Variants in ITPR2 observed in about 807,000 individuals in gnomAD.
The protein encoded by ITPR2 is inositol 1,4,5-trisphosphate-gated calcium channel ITPR2.
In ITPR2, 207 loss-of-function variants were observed where a neutral mutation model predicts 317.1. That is an observed-to-expected ratio of 0.65 (90% confidence interval 0.58 to 0.73). The LOEUF (loss-of-function observed/expected upper bound fraction) is 0.73. ITPR2 is among the 30% of genes least tolerant of loss of function. The probability of loss-of-function intolerance (pLI) is 0.00; values close to 1 mark genes in which losing one functional copy is unlikely to be tolerated. For missense variants in ITPR2, 2,613 were observed against 3,284.0 expected (o/e 0.80, Z 4.99); for synonymous variants, 1,156 against 1,149.1 (o/e 1.01, Z -0.12).
intron 55 of ITPR2, among the ~76,000 whole-genome samples, chr12:26,341,340 CTT>C (rs1325995551): frequency 6.6e-6 from 1 of 152,212 alleles, no homozygotes; most frequent in Non-Finnish European, 1.5e-5. Context: ...GCTTGAAACT[CTT>C]TCCATTCCAG....
chr12:26,598,023 A>C (rs1307099861), intron 30 of ITPR2, among the ~76,000 whole-genome samples: 1 of 152,212 alleles, frequency 6.6e-6, no homozygotes, highest in Non-Finnish European at 1.5e-5. Flanking sequence ...TAATATTACA[A>C]ATACTTCTTT....
In ITPR2 at chr12:26,725,558, G is replaced by A. The variant is rs541466118; in HGVS notation, c.279+92C>T. 5 of 815,614 alleles carry A rather than the reference G, an allele frequency of 6.1e-6. No homozygotes were observed. In the African/African-American group the frequency reaches 8.5e-5, roughly 14 times the overall value. 50.5% of individuals were successfully genotyped at this position (815,614 alleles called of 1,614,324 possible). ...TGTATTCTAAATCTCTGTGTTTTGG[G>A]TGAAAGGACAAAGCTAGAAAGCTCT... On this transcript the variant is annotated intron_variant, in intron 3 of 56. Coordinates refer to ENST00000381340, the MANE Select transcript of ITPR2 (RefSeq NM_002223.4).
intron 21 of ITPR2, among the ~76,000 whole-genome samples, chr12:26,645,562 C>T (rs1947094800): frequency 6.6e-6 from 1 of 152,214 alleles, no homozygotes; most frequent in African/African-American, 2.4e-5. Flanking sequence ...GGAGGACAGA[C>T]AGAATCGAGC....
chr12:26,457,927 T>C (rs116638447), intron 45 of ITPR2, among the ~76,000 whole-genome samples: 49 of 152,318 alleles, frequency 3.2e-4, no homozygotes, highest in Middle Eastern at 3.4e-3. Flanking sequence ...AAGTACGTAT[T>C]GTGCTCAATA....
chr12:26,440,169 G>T (rs951074868), intron 46 of ITPR2, among the ~76,000 whole-genome samples: 1 of 152,120 alleles, frequency 6.6e-6, no homozygotes, highest in African/African-American at 2.4e-5. Context: ...GGGCTTCCAG[G>T]AGAGATTTTG....
intron 32 of ITPR2, among the ~76,000 whole-genome samples, chr12:26,588,386 G>A (rs1202589265): frequency 6.6e-6 from 1 of 152,134 alleles, no homozygotes; most frequent in African/African-American, 2.4e-5. Flanking sequence ...TGGGGTCCAA[G>A]GGAAGAAGCC....
chr12:26,379,767 C>T (rs1939449592), intron 55 of ITPR2, among the ~76,000 whole-genome samples: 1 of 152,150 alleles, frequency 6.6e-6, no homozygotes, highest in African/African-American at 2.4e-5. Context: ...GCCCATTATA[C>T]ATATTTTATC....
At chr12:26,736,304 G>A (rs983226098) in intron 2 of ITPR2, among the ~76,000 whole-genome samples, 1 of 152,112 alleles carries the variant, frequency 6.6e-6, no homozygotes, top group African/African-American at 2.4e-5. Context: ...ACCAACGACT[G>A]GGAAAAATAC....
intron 35 of ITPR2, among the ~76,000 whole-genome samples, chr12:26,557,430 C>A (rs183892507): frequency 2.0e-5 from 3 of 152,260 alleles, no homozygotes; most frequent in East Asian, 3.9e-4. Context: ...TATGATTATG[C>A]GACACAGTCC....
chr12:26,495,358 T>C (rs576118419), intron 37 of ITPR2, 98 bp from the exon 38 acceptor site: 1 of 641,738 alleles, frequency 1.6e-6, no homozygotes, highest in Non-Finnish European at 2.6e-6. Flanking sequence ...GTGAATGATG[T>C]TGAGGCATGG....
At chr12:26,551,441 A>T (rs978576414) in intron 36 of ITPR2, among the ~76,000 whole-genome samples, 1 of 152,230 alleles carries the variant, frequency 6.6e-6, no homozygotes, top group African/African-American at 2.4e-5. Context: ...ATTCAGGTCC[A>T]TCTGACCTCA....
intron 13 of ITPR2, among the ~76,000 whole-genome samples, chr12:26,680,119 A>G (rs1036782889): frequency 2.0e-5 from 3 of 152,100 alleles, no homozygotes; most frequent in Non-Finnish European, 4.4e-5. Context: ...CCCATATACT[A>G]TACATGTCTA....
intron 34 of ITPR2, among the ~76,000 whole-genome samples, chr12:26,566,266 A>G: frequency 8.7e-6 from 1 of 114,482 alleles, no homozygotes; most frequent in Non-Finnish European, 1.8e-5. Flanking sequence ...GAGGGAGAGG[A>G]GAAGGAGAGG....
intron 2 of ITPR2, among the ~76,000 whole-genome samples, chr12:26,759,196 A>G (rs986317114): frequency 1.3e-5 from 2 of 152,248 alleles, no homozygotes; most frequent in African/African-American, 2.4e-5. Context: ...GCCATTACCC[A>G]TTACATGAAC....
chr12:26,366,002 T>C (rs1219281138), intron 55 of ITPR2, among the ~76,000 whole-genome samples: 1 of 152,094 alleles, frequency 6.6e-6, no homozygotes, highest in African/African-American at 2.4e-5. Context: ...AGAAGAGAAA[T>C]CTATTTTAAA....
chr12:26,591,434 A>G (rs1945702161), intron 32 of ITPR2, among the ~76,000 whole-genome samples: 1 of 152,220 alleles, frequency 6.6e-6, no homozygotes, highest in Non-Finnish European at 1.5e-5. Flanking sequence ...ACAGGCAATA[A>G]CAAATGCTGA....
intron 1 of ITPR2, among the ~76,000 whole-genome samples, 189 bp downstream of exon 1, chr12:26,832,501 C>CCT (rs1951130591): frequency 6.6e-6 from 1 of 152,254 alleles, no homozygotes; most frequent in Non-Finnish European, 1.5e-5. Context: ...GAAAGTCTTG[C>CCT]CTCTCAGGGC....
chr12:26,777,155 T>C lies in ITPR2; in HGVS notation c.163+13002A>G, dbSNP rs1949989481. Among the ~76,000 whole-genome samples, 6 of 152,162 alleles carry C rather than the reference T, an allele frequency of 3.9e-5. No homozygotes were observed. In the South Asian group the frequency reaches 1.2e-3, roughly 32 times the overall value. The stretch of plus-strand genomic sequence containing the variant: ...TTTATTTACTTGGTTAGCTGAAATA[T>C]AAGTTAAAAGATGGCCCACTGTGAG... On this transcript the variant is annotated intron_variant, in intron 2 of 56. Transcript: ENST00000381340.
At chr12:26,371,742 T>C (rs1375637359) in intron 55 of ITPR2, among the ~76,000 whole-genome samples, 2 of 152,184 alleles carry the variant, frequency 1.3e-5, no homozygotes, top group South Asian at 4.1e-4. Context: ...TCTTGGTTTA[T>C]GGATTGTCAC....
Sources: gnomAD v4.1 joint callset for allele counts (sites outside exome capture counted in the v4.1 genomes callset) on GRCh38, gnomAD v4.1.1 for gene constraint, MANE v1.5 for transcripts, NCBI Gene and HGNC (gene_info 2026-07-23, HGNC 2026-07-21) for gene names.